The following PCDHA7 variants were observed in gnomAD, a reference collection of about 807,000 sequenced individuals.
The protein encoded by PCDHA7 is protocadherin alpha-7.
Under a neutral mutation model 57.2 loss-of-function variants are expected in PCDHA7, and 37 were observed. That is an observed-to-expected ratio of 0.65 (90% CI 0.50 to 0.85). The LOEUF is 0.85. PCDHA7 is among the 40% of genes least tolerant of loss of function. PCDHA7 has a pLI of 0.00. For synonymous variants in PCDHA7, 553 were observed against 558.8 expected (o/e 0.99, Z 0.15); for missense variants, 1,188 against 1,241.8 (o/e 0.96, Z 0.65).
intron 2 of PCDHA7, among the ~76,000 whole-genome samples, chr5:140,979,418 T>A (rs895579689): frequency 3.3e-5 from 5 of 152,178 alleles, no homozygotes; most frequent in South Asian, 2.1e-4. Flanking sequence ...GTTTTTTTTT[T>A]AATCTCACAT....
At chr5:140,891,410 A>G (rs1381375342) in intron 1 of PCDHA7, among the ~76,000 whole-genome samples, 1 of 130,438 alleles carries the variant, frequency 7.7e-6, no homozygotes, top group East Asian at 2.5e-4. Context: ...GCCACCCCCC[A>G]CTCTTGCCCC....
At chr5:140,995,689 T>A (rs528829345) in intron 3 of PCDHA7, among the ~76,000 whole-genome samples, 33 of 152,250 alleles carry the variant, frequency 2.2e-4, no homozygotes, top group Admixed American at 6.5e-4. Flanking sequence ...TTTTAATTGT[T>A]AAATAAAGGG....
chr5:140,841,748 T>G (rs2150322169), intron 1 of PCDHA7: 12 of 1,613,846 alleles, frequency 7.4e-6, no homozygotes, highest in Non-Finnish European at 9.3e-6. Context: ...GCTGTTTGTT[T>G]CAGAATCCAG....
chr5:140,926,641 C>A, intron 1 of PCDHA7: 1 of 460,388 alleles, frequency 2.2e-6, no homozygotes, highest in Non-Finnish European at 3.6e-6. Flanking sequence ...TCCTCAACAC[C>A]CGGCCGGCTC....
rs560256618 is a variant in PCDHA7 at position 140,999,889 on chromosome 5, C to T, written c.2504-9738C>T. Among the ~76,000 whole-genome samples the T allele has an allele frequency of 2.0e-5, 3 of 152,292 alleles. No homozygotes were observed. In the East Asian group the frequency reaches 5.8e-4, roughly 29 times the overall value. ...TTACTGAAAATTAGCCCAGCTGTAG[C>T]TTGGGACACCAAACAGCCAAAAAAT... On this transcript the variant is annotated intron_variant, in intron 3 of 3. Coordinates refer to ENST00000525929, the MANE Select transcript of PCDHA7 (RefSeq NM_018910.3).
intron 1 of PCDHA7, chr5:140,929,360 C>G (rs781864515): frequency 5.3e-6 from 8 of 1,519,748 alleles, no homozygotes; most frequent in Non-Finnish European, 6.2e-6. Flanking sequence ...TTCCTTTGGC[C>G]CGGAGATGGC....
rs2150495171 is a variant in PCDHA7, at chr5:140,850,706, G to C, written c.2355+13968G>C. 11 of 1,598,012 alleles carry C rather than the reference G, an allele frequency of 6.9e-6. 1 individual carries two copies. The highest frequency in any genetic ancestry group is 1.7e-5 in the Admixed American group (1 of 59,234). The stretch of plus-strand genomic sequence containing the variant: ...AGGGCGAGTGCGCGCCTGGCAAGCC[G>C]ACGCTGGTGTGTTCTAGCGCGGTGG... On this transcript the variant is annotated intron_variant, in intron 1 of 3. Transcript: ENST00000525929.
intron 1 of PCDHA7, among the ~76,000 whole-genome samples, chr5:140,943,783 C>A (rs1388163068): frequency 1.3e-5 from 2 of 152,102 alleles, no homozygotes; most frequent in Non-Finnish European, 2.9e-5. Context: ...AGGAAGTGGT[C>A]CTTTATGCAA....
rs2150472537 is a variant in PCDHA7, at chr5:140,850,195, C to T, written c.2355+13457C>T. 8.8e-6 allele frequency: 14 copies of T among 1,593,610 alleles called. 2 individuals are homozygous for T. In the South Asian group the frequency reaches 1.5e-4, roughly 18 times the overall value. The stretch of plus-strand genomic sequence containing the variant: ...AACGACAATGCGCCGGCGCTGCTGA[C>T]ACCTCGGATGAGGGGCACTGACGGC... On this transcript the variant is annotated intron_variant, in intron 1 of 3. Transcript: ENST00000525929.
chr5:140,857,003 G>A (rs74982530), intron 1 of PCDHA7: 2 of 1,595,436 alleles, frequency 1.3e-6, no homozygotes, highest in Admixed American at 1.7e-5. Flanking sequence ...TGAAATTCAT[G>A]TAGATGTTAC....
Position 140,877,206 on chromosome 5 carries a change from C to A in PCDHA7, c.2355+40468C>A, listed in dbSNP as rs782807049. 10 of 1,613,650 alleles carry A rather than the reference C, an allele frequency of 6.2e-6. No homozygotes were observed. The highest frequency in any genetic ancestry group is 8.5e-6 in the Non-Finnish European group (10 of 1,179,798). On this transcript the variant is annotated intron_variant, in intron 1 of 3. Transcript: ENST00000525929. ...CTGGCAGCGCAGGAGGCGCAGTTAG[C>A]GAGTTGGTACCGCGGTCGGTGGGTG...
At chr5:140,939,603 CAG>C (rs2092419919) in intron 1 of PCDHA7, among the ~76,000 whole-genome samples, 2 of 152,068 alleles carry the variant, frequency 1.3e-5, no homozygotes, top group Non-Finnish European at 2.9e-5. Flanking sequence ...TGCTCAAAAA[CAG>C]AACAAGGAGA....
At chr5:140,897,874 T>C (rs541496059) in intron 1 of PCDHA7, among the ~76,000 whole-genome samples, 2,161 of 152,206 alleles carry the variant, frequency 0.014, 44 homozygotes, top group African/African-American at 0.049. Context: ...TTTTAATGAT[T>C]GCCATTCTAA....
chr5:140,938,926 T>C (rs149516801), intron 1 of PCDHA7, among the ~76,000 whole-genome samples: 9 of 152,172 alleles, frequency 5.9e-5, no homozygotes, highest in Non-Finnish European at 1.2e-4. Context: ...AGAAATTGGC[T>C]TTTAACTTTC....
intron 1 of PCDHA7, among the ~76,000 whole-genome samples, chr5:140,924,127 A>G (rs2081688492): frequency 6.6e-6 from 1 of 152,252 alleles, no homozygotes; most frequent in African/African-American, 2.4e-5. Flanking sequence ...CTTGCTTAGC[A>G]GCATTAATTT....
intron 1 of PCDHA7, chr5:140,867,381 A>C (rs2049925984): frequency 6.6e-6 from 1 of 152,184 alleles, no homozygotes; most frequent in African/African-American, 2.4e-5. Context: ...AATGGAATTA[A>C]CGGTTATAAA....
chr5:140,875,567 A>G (rs1389005721), intron 1 of PCDHA7: 14 of 1,613,986 alleles, frequency 8.7e-6, no homozygotes, highest in African/African-American at 2.7e-5. Context: ...GGCCAGCTCC[A>G]CTACTCCGTC....
At chr5:140,845,612 G>A (rs1234666681) in intron 1 of PCDHA7, among the ~76,000 whole-genome samples, 1 of 149,312 alleles carries the variant, frequency 6.7e-6, no homozygotes, top group Non-Finnish European at 1.5e-5. Flanking sequence ...TAAGTATTGT[G>A]GATTCTGAAG....
In PCDHA7 at chr5:140,849,618, A is replaced by T. The variant is rs2150442599; in HGVS notation, c.2355+12880A>T. On this transcript the variant is annotated intron_variant, in intron 1 of 3. Transcript: ENST00000525929. ...GACAGTTATTGCCCTGATTAGTGTG[A>T]TCGACCTAGACGCAGATGCCAACGG... is the stretch of plus-strand genomic sequence containing the variant. The T allele has an allele frequency of 1.9e-6, 3 of 1,598,686 alleles. No individual in the cohort carries two copies. The South Asian group carries it at 3.3e-5, about 18-fold the overall frequency.
Sources: gnomAD v4.1 joint callset for allele counts (sites outside exome capture counted in the v4.1 genomes callset) on GRCh38, gnomAD v4.1.1 for gene constraint, MANE v1.5 for transcripts, NCBI Gene and HGNC (gene_info 2026-07-23, HGNC 2026-07-21) for gene names.